The following TASL variants were observed in gnomAD, a reference collection of about 807,000 sequenced individuals.
The protein encoded by TASL is TLR adaptor interacting with endolysosomal SLC15A4.
A neutral mutation model predicts 12.9 loss-of-function variants in TASL; 6 were observed. That is an observed-to-expected ratio of 0.46 (90% CI 0.25 to 0.92). TASL has a LOEUF of 0.92. Ranked by LOEUF, TASL falls within the 40% of genes least tolerant of loss-of-function variation. TASL has a pLI of 0.17. For synonymous variants in TASL, 85 were observed against 79.3 expected, an observed-to-expected ratio of 1.07 and a Z score of -0.38; for missense variants, 165 against 212.8, an observed-to-expected ratio of 0.78 and a Z score of 1.40.
intron 2 of TASL, among the ~76,000 whole-genome samples, chrX:30,565,013 G>A (rs1354485037): frequency 8.9e-6 from 1 of 111,826 alleles, no homozygotes; most frequent in Non-Finnish European, 1.9e-5. Context: ...CAGGACCTCA[G>A]AATTCCCTGC....
At chrX:30,565,957 G>A (rs1368594360) in intron 2 of TASL, among the ~76,000 whole-genome samples, 1 of 108,868 alleles carries the variant, frequency 9.2e-6, no homozygotes, top group East Asian at 2.9e-4. Context: ...TCTTAGTAGA[G>A]ATGAGGTTTC....
At chrX:30,571,256 G>GAAAA (rs1179232270) in intron 2 of TASL, among the ~76,000 whole-genome samples, 4 of 36,803 alleles carry the variant, frequency 1.1e-4, no homozygotes, top group African/African-American at 1.4e-4. Context: ...GAGAAAGAAA[G>GAAAA]AGAAAGAAAG....
chrX:30,561,974 G>C lies in TASL; in HGVS notation c.-1-1618C>G, dbSNP rs1165882653. ...CCTACACGGAAAGATAAGAAACAGA[G>C]AAAGAGTTTATCATAAAGAACTAAT... On this transcript the variant is annotated intron_variant, in intron 2 of 2. Coordinates refer to ENST00000378962, the MANE Select transcript of TASL (RefSeq NM_025159.3). Among the ~76,000 whole-genome samples the C allele has an allele frequency of 2.3e-4, 26 of 111,403 alleles. No individual in the cohort carries two copies. In the Admixed American group the frequency reaches 2.5e-3, roughly 11 times the overall value.
At position 30,562,897 on chromosome X, in the gene TASL, TACACACAC is replaced by T. The variant is rs72184120; in HGVS notation, c.-1-2549_-1-2542del. Among the ~76,000 whole-genome samples the T allele has an allele frequency of 5.3e-3, 451 of 85,139 alleles. 7 individuals carry two copies. The highest frequency in any genetic ancestry group is 0.029 in the East Asian group (80 of 2,765). The allele number at this position is 85,139 out of a possible 115,157, so 73.9% of individuals were successfully genotyped here. On this transcript the variant is annotated intron_variant, in intron 2 of 2. Coordinates refer to ENST00000378962, the MANE Select transcript of TASL (RefSeq NM_025159.3). The stretch of plus-strand genomic sequence containing the variant: ...ATAAATGGTTTTTAAAAAGGTATAA[TACACACAC>T]ACACACACACACACACACACACACA...
chrX:30,561,098 C>G (rs1055192259), intron 2 of TASL, among the ~76,000 whole-genome samples: 2 of 111,703 alleles, frequency 1.8e-5, no homozygotes, highest in African/African-American at 6.5e-5. Context: ...TCTACAGAGA[C>G]TCAAAAGGTA....
At chrX:30,576,993 C>G (rs915344303) in intron 1 of TASL, 127 bp from the exon 2 acceptor site, 1 of 112,407 alleles carries the variant, frequency 8.9e-6, no homozygotes, top group African/African-American at 3.2e-5. Flanking sequence ...TCAAACAAAA[C>G]TCCACTCGTA....
At chrX:30,566,425 T>G (rs1930498497) in intron 2 of TASL, among the ~76,000 whole-genome samples, 1 of 110,840 alleles carries the variant, frequency 9.0e-6, no homozygotes, top group Non-Finnish European at 1.9e-5. Flanking sequence ...GAGAATCGCT[T>G]GAACCCAGGA....
intron 2 of TASL, among the ~76,000 whole-genome samples, chrX:30,568,193 G>A (rs186121712): frequency 1.1e-3 from 120 of 110,724 alleles, no homozygotes; most frequent in African/African-American, 3.8e-3. Flanking sequence ...AGTCGAGATC[G>A]TGCCACTGCA....
chrX:30,562,859 C>A (rs1403418703), intron 2 of TASL, among the ~76,000 whole-genome samples: 2 of 105,255 alleles, frequency 1.9e-5, no homozygotes, highest in Non-Finnish European at 3.9e-5. Context: ...TTCCAAACTT[C>A]ACTAAAACAA....
At chrX:30,577,276 A>C (rs2147089099) in intron 1 of TASL, among the ~76,000 whole-genome samples, 1 of 112,544 alleles carries the variant, frequency 8.9e-6, no homozygotes, top group South Asian at 3.6e-4. Context: ...CCTTCTTTTA[A>C]AAATGCAGAA....
intron 2 of TASL, among the ~76,000 whole-genome samples, chrX:30,570,371 A>G (rs1460796594): frequency 2.7e-5 from 3 of 111,532 alleles, no homozygotes; most frequent in African/African-American, 9.8e-5. Flanking sequence ...TCTATAAAAT[A>G]GCTAACATAG....
intron 2 of TASL, among the ~76,000 whole-genome samples, chrX:30,561,307 A>T (rs554582535): frequency 9.0e-6 from 1 of 111,498 alleles, no homozygotes; most frequent in South Asian, 3.8e-4. Flanking sequence ...CTAGTTACCA[A>T]GGAGCTTTTC....
intron 2 of TASL, among the ~76,000 whole-genome samples, chrX:30,565,741 G>T (rs1279100800): frequency 8.9e-5 from 10 of 111,753 alleles, no homozygotes; most frequent in African/African-American, 3.3e-4. Flanking sequence ...ACTGAAGATT[G>T]CTAATTATAA....
chrX:30,577,421 G>A (rs1468372604), intron 1 of TASL, among the ~76,000 whole-genome samples: 7 of 112,086 alleles, frequency 6.2e-5, no homozygotes, highest in Non-Finnish European at 1.3e-4. Flanking sequence ...GAGGAGGTAA[G>A]GAAAGGAAGT....
chrX:30,564,140 T>TA (rs1419499687), intron 2 of TASL, among the ~76,000 whole-genome samples: 1 of 111,483 alleles, frequency 9.0e-6, no homozygotes, highest in African/African-American at 3.3e-5. Context: ...TTGGATGCTA[T>TA]AAAAAAGAAG....
chrX:30,560,921 C>T (rs747733320), intron 2 of TASL, among the ~76,000 whole-genome samples: 2 of 110,827 alleles, frequency 1.8e-5, no homozygotes, highest in African/African-American at 3.3e-5. Context: ...CATTCTGCCC[C>T]GTAGGAAATG....
At chrX:30,571,227 G>C (rs1193846464) in intron 2 of TASL, among the ~76,000 whole-genome samples, 2 of 51,755 alleles carry the variant, frequency 3.9e-5, no homozygotes, top group Admixed American at 2.7e-4. Context: ...AAGGAAAGAA[G>C]GAAGGAAGGA....
intron 2 of TASL, among the ~76,000 whole-genome samples, chrX:30,563,266 G>A (rs1237211647): frequency 2.7e-5 from 3 of 111,733 alleles, no homozygotes; most frequent in Non-Finnish European, 5.6e-5. Flanking sequence ...TCTCTCTCCT[G>A]CCACCCTGTG....
At chrX:30,561,785 C>T (rs1930429603) in intron 2 of TASL, among the ~76,000 whole-genome samples, 1 of 106,386 alleles carries the variant, frequency 9.4e-6, no homozygotes, top group African/African-American at 3.5e-5. Flanking sequence ...AGTTATGTGC[C>T]ATGAAGACAC....
Sources: allele counts gnomAD v4.1 joint callset (sites outside exome capture counted in the v4.1 genomes callset), GRCh38; gene constraint gnomAD v4.1.1; transcripts MANE v1.5; gene names NCBI Gene and HGNC (gene_info 2026-07-23, HGNC 2026-07-21).